ACP3: variants seen among roughly 807,000 people sequenced by gnomAD.
ACP3 encodes the protein acid phosphatase 3, also known as prostatic acid phosphatase.
In ACP3, 38 loss-of-function variants were observed where a neutral mutation model predicts 45.6. The ratio of observed to expected loss-of-function variants is 0.83; its 90% CI spans 0.64 to 1.09. The LOEUF (loss-of-function observed/expected upper bound fraction) is 1.09. Among genes scored for constraint, ACP3 ranks in the 50% least tolerant of loss-of-function variants. The pLI is 0.00. For synonymous variants in ACP3, 162 were observed against 164.7 expected (o/e 0.98, Z 0.13); for missense variants, 466 against 463.2 (o/e 1.01, Z -0.05).
intron 8 of ACP3, among the ~76,000 whole-genome samples, chr3:132,352,109 ATTTAC>A (rs1473997471): frequency 6.6e-6 from 1 of 152,164 alleles, no homozygotes; most frequent in Non-Finnish European, 1.5e-5. Context: ...CTTGATTCAA[ATTTAC>A]TTTCTTCCAT....
chr3:132,352,669 C>A, intron 8 of ACP3, 51 bp from the exon 9 acceptor site: 1 of 1,272,176 alleles, frequency 7.9e-7, no homozygotes, highest in Non-Finnish European at 1.1e-6. Flanking sequence ...TGCTTCATAC[C>A]TATTGAATGT....
At chr3:132,318,831 C>T (rs1191567988) in intron 1 of ACP3, among the ~76,000 whole-genome samples, 1 of 152,166 alleles carries the variant, frequency 6.6e-6, no homozygotes, top group African/African-American at 2.4e-5. Flanking sequence ...TGTACTGCAT[C>T]TGCCGTGCTT....
At chr3:132,361,255 C>G (rs559141191), downstream of ACP3, among the ~76,000 whole-genome samples, 3 of 152,334 alleles carry the variant, frequency 2.0e-5, no homozygotes, top group South Asian at 4.1e-4. Context: ...GCTCCTCCCT[C>G]AAAGATGAGG....
chr3:132,327,913 G>A (rs1276972320), intron 1 of ACP3, among the ~76,000 whole-genome samples: 2 of 152,094 alleles, frequency 1.3e-5, no homozygotes, highest in East Asian at 3.9e-4. Flanking sequence ...CCTATCTTAT[G>A]TACAAACCGA....
downstream of ACP3, among the ~76,000 whole-genome samples, chr3:132,359,943 A>G (rs147522778): frequency 9.6e-4 from 146 of 152,342 alleles, no homozygotes; most frequent in African/African-American, 3.2e-3. Context: ...GTTTGGGCTC[A>G]TAGAAAGTTT....
chr3:132,364,582 T>G (rs1466225922), intron 10 of ACP3, among the ~76,000 whole-genome samples: 2 of 152,214 alleles, frequency 1.3e-5, no homozygotes, highest in East Asian at 3.8e-4. Context: ...TGACTGCAAC[T>G]TTCTCTTTGT....
At chr3:132,319,160 A>T (rs1433599483) in intron 1 of ACP3, among the ~76,000 whole-genome samples, 12 of 152,200 alleles carry the variant, frequency 7.9e-5, no homozygotes, top group Admixed American at 7.9e-4. Context: ...GGGCCATTTA[A>T]TACATCTTTC....
At chr3:132,334,083 A>AAAAAC (rs747663633) in intron 4 of ACP3, among the ~76,000 whole-genome samples, 16 of 152,234 alleles carry the variant, frequency 1.1e-4, no homozygotes, top group Non-Finnish European at 2.1e-4. Context: ...AAAATAAATA[A>AAAAAC]AAAACAAAAC....
intron 1 of ACP3, among the ~76,000 whole-genome samples, chr3:132,327,217 T>G (rs1303032640): frequency 2.0e-5 from 3 of 152,274 alleles, no homozygotes; most frequent in African/African-American, 7.2e-5. Context: ...CTATTATTTT[T>G]ATTGTATATA....
chr3:132,326,702 T>A (rs59650947), intron 1 of ACP3, among the ~76,000 whole-genome samples: 3,607 of 152,334 alleles, frequency 0.024, 163 homozygotes, highest in African/African-American at 0.083. Context: ...GACTAAAGTC[T>A]GAGACTGTTT....
rs572015722 is a variant in ACP3 at position 132,357,683 on chromosome 3, G to C, written c.*805G>C. On this transcript the variant is annotated 3_prime_UTR_variant, in exon 10 of 10. Transcript: ENST00000336375. ...TTTGGGCACAACACATCAGGAAAGA[G>C]AGCACCACGTGATGGAGTTTCTCTA... 1 of 985,356 alleles carries C rather than the reference G, an allele frequency of 1.0e-6. No homozygotes were observed. Among genetic ancestry groups the C allele is most frequent in the African/African-American group, 1.7e-5 (1 of 57,310 alleles). 61.0% of individuals were successfully genotyped at this position (985,356 alleles called of 1,614,324 possible).
chr3:132,346,408 T>C (rs1937609250), intron 7 of ACP3, among the ~76,000 whole-genome samples: 1 of 152,082 alleles, frequency 6.6e-6, no homozygotes, highest in African/African-American at 2.4e-5. Context: ...GTAGATCTGC[T>C]ATTACAAAAA....
At position 132,331,674 on chromosome 3, in the gene ACP3, G is replaced by A; in HGVS notation, c.244G>A (p.Gly82Arg). Residue 82 changes from glycine (G) to arginine (R), a missense_variant, in exon 3 of 10, where the codon GGA becomes AGA. Transcript: ENST00000336375. The stretch of plus-strand genomic sequence containing the variant: ...GGGCATGGAGCAGCATTATGAACTT[G>A]GAGAGTATATAAGAAAGAGATATAG... ...QLGMEQHYEL[G>R]EYIRKRYRKF... 6.2e-7 allele frequency: 1 copy of A among 1,604,988 alleles called. No homozygotes were observed. Among genetic ancestry groups the A allele is most frequent in the Non-Finnish European group, 8.5e-7 (1 of 1,177,806 alleles).
At chr3:132,354,609 C>G (rs1056451334) in intron 9 of ACP3, among the ~76,000 whole-genome samples, 1 of 152,144 alleles carries the variant, frequency 6.6e-6, no homozygotes, top group Non-Finnish European at 1.5e-5. Flanking sequence ...GTGATCCTGA[C>G]TGTGAAGTGA....
chr3:132,327,637 G>T (rs1029628680), intron 1 of ACP3, among the ~76,000 whole-genome samples: 1 of 151,944 alleles, frequency 6.6e-6, no homozygotes, highest in Non-Finnish European at 1.5e-5. Context: ...TGGCCAACAT[G>T]GTGAAACTCC....
rs762972258 is a variant in ACP3, at chr3:132,364,487, G to C, written c.1139-3217G>C. 9.1e-4 allele frequency among the ~76,000 whole-genome samples: 138 copies of C among 152,138 alleles called. 1 individual carries two copies. Among genetic ancestry groups the C allele is most frequent in the Non-Finnish European group, 1.7e-3 (118 of 68,028 alleles). ...CCTTGTGAAACTCTTTCTGTTTCAT[G>C]GCAAAGTCTTACTCACCTTGCAGGT... is the stretch of plus-strand genomic sequence containing the variant. On this transcript the variant is annotated intron_variant, in intron 10 of 10. Transcript: ENST00000351273.
chr3:132,350,452 T>C (rs994633160), intron 8 of ACP3, among the ~76,000 whole-genome samples: 4 of 152,194 alleles, frequency 2.6e-5, no homozygotes, highest in African/African-American at 9.7e-5. Context: ...TGGTACCAAA[T>C]TAGTGGATGT....
At chr3:132,319,392 C>A (rs1310396314) in intron 1 of ACP3, among the ~76,000 whole-genome samples, 4 of 152,192 alleles carry the variant, frequency 2.6e-5, no homozygotes, top group Non-Finnish European at 5.9e-5. Flanking sequence ...GTGCTTACTG[C>A]AAGTACTTAC....
chr3:132,341,158 A>G (rs1447775171), intron 5 of ACP3, among the ~76,000 whole-genome samples: 7 of 152,156 alleles, frequency 4.6e-5, no homozygotes, highest in African/African-American at 1.4e-4. Context: ...TGCACTGGCC[A>G]CTACTTACAG....
Sources: allele counts gnomAD v4.1 joint callset (sites outside exome capture counted in the v4.1 genomes callset), GRCh38; gene constraint gnomAD v4.1.1; transcripts MANE v1.5; gene names NCBI Gene and HGNC (gene_info 2026-07-23, HGNC 2026-07-21).